Variants in PCDH18 observed in about 807,000 individuals in gnomAD.
PCDH18 encodes the protein protocadherin 18, also known as protocadherin-18.
PCDH18 carries 38 observed loss-of-function variants against 71.5 expected under a neutral mutation model. The ratio of observed to expected loss-of-function variants is 0.53; its 90% CI spans 0.41 to 0.70. The LOEUF is 0.70. Ranked by LOEUF, PCDH18 falls within the 30% of genes least tolerant of loss-of-function variation. PCDH18 has a pLI of 0.00. For missense variants in PCDH18, 1,334 were observed against 1,384.6 expected (o/e 0.96, Z 0.58); for synonymous variants, 565 against 505.4 (o/e 1.12, Z -1.58).
At chr4:137,528,136 C>T (rs1731532329) in intron 3 of PCDH18, among the ~76,000 whole-genome samples, 1 of 152,054 alleles carries the variant, frequency 6.6e-6, no homozygotes, top group African/African-American at 2.4e-5. Context: ...AATAATTTTG[C>T]AAAGAGTTAC....
At chr4:137,529,075 T>A in intron 1 of PCDH18, 1 of 457,098 alleles carries the variant, frequency 2.2e-6, no homozygotes. Context: ...CCCTTTCAAA[T>A]AACTGATTTA....
At chr4:137,528,425 A>T in intron 3 of PCDH18, 53 bp downstream of exon 3, 1 of 1,434,312 alleles carries the variant, frequency 7.0e-7, no homozygotes, top group Non-Finnish European at 9.6e-7. Context: ...TTTTCATTTT[A>T]CTGGTGTCAC....
chr4:137,528,436 G>A (rs202026681), intron 3 of PCDH18, 42 bp downstream of exon 3: 32 of 1,562,668 alleles, frequency 2.0e-5, no homozygotes, highest in East Asian at 1.1e-4. Context: ...CTGGTGTCAC[G>A]GTAGACCTGA....
intron 3 of PCDH18, among the ~76,000 whole-genome samples, chr4:137,521,903 T>A (rs1316179697): frequency 1.3e-5 from 2 of 152,226 alleles, no homozygotes; most frequent in Non-Finnish European, 2.9e-5. Flanking sequence ...TGTTATCTTC[T>A]GGTGTGCTTT....
Position 137,521,637 on chromosome 4 carries a change from GC to G in PCDH18, c.2799del (p.Met933IlefsTer76). ...TCAGAAGACGGTGAGGGCAGTGGTGGCATCCAGCACTGGTCAGAGTGTCCCA... is the reference window on the plus strand; with the variant it reads ...TCAGAAGACGGTGAGGGCAGTGGTGGATCCAGCACTGGTCAGAGTGTCCCA... ...RVLGHSDQCW[M>X]PPLPSPSSDY... is the part of the protein sequence containing the mutation. On this transcript the variant is annotated frameshift_variant, in exon 4 of 4. Transcript: ENST00000344876. LOFTEE classifies it high-confidence loss of function. 1 of 1,612,562 alleles carries G rather than the reference GC, an allele frequency of 6.2e-7. No homozygotes were observed.
Position 137,531,897 on chromosome 4 carries a change from A to G in PCDH18, c.192T>C (p.Val64=). 2 of 1,614,056 alleles carry G rather than the reference A, an allele frequency of 1.2e-6. No individual in the cohort carries two copies. The highest frequency in any genetic ancestry group is 1.7e-6 in the Non-Finnish European group (2 of 1,179,990). The change falls in exon 1 of 4, where the codon GTT becomes GTC. Residue 64 remains valine, a synonymous_variant. Coordinates refer to ENST00000344876, the MANE Select transcript of PCDH18 (RefSeq NM_019035.5). ...TTCCCCTCTGCATGGCTCGAAATCG[A>G]ACAGTAGAAGGATTAGGAAGCTTCA... The part of the protein sequence containing the change: ...VLLKLPNPST[V]RFRAMQRGNS...
In PCDH18 at chr4:137,521,527, G is replaced by A. The variant is rs1463998436; in HGVS notation, c.2910C>T (p.Asp970=). 10 of 1,614,116 alleles carry A rather than the reference G, an allele frequency of 6.2e-6. No individual in the cohort carries two copies. Among genetic ancestry groups the A allele is most frequent in the Non-Finnish European group, 8.5e-6 (10 of 1,180,034 alleles). The part of the protein sequence containing the change: ...QQHPHQSLED[D]AQPADSGEKK... The stretch of plus-strand genomic sequence containing the variant: ...TTTCACCGGAATCTGCAGGCTGAGC[G>A]TCATCCTCAAGACTCTGATGTGGAT... The change falls in exon 4 of 4, where the codon GAC becomes GAT. Residue 970 remains aspartate (D), a synonymous_variant. Transcript: ENST00000344876.
rs1368442478 is a variant in PCDH18 at position 137,530,597 on chromosome 4, C to T, written c.1492G>A (p.Gly498Arg). The change falls in exon 1 of 4, where the codon GGG (glycine) becomes AGG (arginine). Residue 498 changes from glycine to arginine, a missense_variant. Physicochemically the swap from Gly to Arg is moderately radical, Grantham distance 125. This residue lies in a region of PCDH18 where 1,011 missense variants were observed against 1,048.0 expected (regional missense o/e 0.96). Transcript: ENST00000344876. The stretch of plus-strand genomic sequence containing the variant: ...TCCAAGATGGTGTATGTCACTTGCC[C>T]ATTTTCTCCAAGATCAGGATCTGTG... ...TATDPDLGEN[G>R]QVTYTILESF... 6.2e-7 allele frequency: 1 copy of T among 1,614,090 alleles called. No homozygotes were observed. The highest frequency in any genetic ancestry group is 8.5e-7 in the Non-Finnish European group (1 of 1,180,006).
In PCDH18 at chr4:137,530,993, T is replaced by A. The variant is rs1475490174; in HGVS notation, c.1096A>T (p.Ile366Leu). The change falls in exon 1 of 4, where the codon ATA becomes TTA. Residue 366 changes from isoleucine (I) to leucine (L), a missense_variant. This residue lies in a region of PCDH18 where 1,011 missense variants were observed against 1,048.0 expected (regional missense o/e 0.96). Coordinates refer to ENST00000344876, the MANE Select transcript of PCDH18 (RefSeq NM_019035.5). ...GGATCCCCTTCAAAAATATAAGATA[T>A]TTCTTCTTTTCCAGGGGACATGAGG... ...INLMSPGKEE[I>L]SYIFEGDPID... 6.2e-7 allele frequency: 1 copy of A among 1,612,462 alleles called. No homozygotes were observed. The highest frequency in any genetic ancestry group is 2.2e-5 in the East Asian group (1 of 44,834).
Position 137,531,846 on chromosome 4 carries a change from C to T in PCDH18, c.243G>A (p.Glu81=). Reference sequence around the variant, plus strand: ...CCCCTATGCTGATTTCCCCATTATCCTCGTTTACTACAAGTAGAGGAGAAT... The same window carrying T: ...CCCCTATGCTGATTTCCCCATTATCTTCGTTTACTACAAGTAGAGGAGAAT... ...RGNSPLLVVN[E]DNGEISIGAT... Residue 81 remains glutamate, a synonymous_variant, in exon 1 of 4, where the codon GAG becomes GAA. Coordinates refer to ENST00000344876, the MANE Select transcript of PCDH18 (RefSeq NM_019035.5). 1 of 1,614,098 alleles carries T rather than the reference C, an allele frequency of 6.2e-7. No homozygotes were observed. Among genetic ancestry groups the T allele is most frequent in the East Asian group, 2.2e-5 (1 of 44,874 alleles).
At position 137,519,149 on chromosome 4, in the gene PCDH18, T is replaced by A. The variant is rs1031269848; in HGVS notation, c.*1880A>T. Reference sequence around the variant, plus strand: ...ATCTACTGAAAAATATACTGAAATTTCACTTGTAATTGCAATCTCTCCTAT... The same window carrying A: ...ATCTACTGAAAAATATACTGAAATTACACTTGTAATTGCAATCTCTCCTAT... On this transcript the variant is annotated 3_prime_UTR_variant, in exon 4 of 4. Coordinates refer to ENST00000344876, the MANE Select transcript of PCDH18 (RefSeq NM_019035.5). 1.3e-5 allele frequency: 2 copies of A among 152,188 alleles called. No individual in the cohort carries two copies. The highest frequency in any genetic ancestry group is 4.8e-5 in the African/African-American group (2 of 41,454). 9.4% of individuals were successfully genotyped at this position (152,188 alleles called of 1,614,324 possible). A position where few individuals can be genotyped will look rare whatever the true frequency, so the allele number is the denominator to read the frequency against.
chr4:137,522,453 A>G (rs1731328855), intron 3 of PCDH18, among the ~76,000 whole-genome samples: 1 of 152,200 alleles, frequency 6.6e-6, no homozygotes, highest in Non-Finnish European at 1.5e-5. Flanking sequence ...AATAGATGAT[A>G]TGAGAAAAGC....
chr4:137,525,667 G>T (rs1308780010), intron 3 of PCDH18, among the ~76,000 whole-genome samples: 1 of 152,110 alleles, frequency 6.6e-6, no homozygotes, highest in African/African-American at 2.4e-5. Context: ...CGGACCATTG[G>T]TGACTTCCTG....
Position 137,532,120 on chromosome 4 carries a change from A to G in PCDH18, c.-32T>C. On this transcript the variant is annotated 5_prime_UTR_variant, in exon 1 of 4. Transcript: ENST00000344876. Reference sequence around the variant, plus strand: ...GTTTATGAGATTTCCCTCACAGAGCAAGTTAAAACAGCAAAGCAATTGCCT... The same window carrying G: ...GTTTATGAGATTTCCCTCACAGAGCGAGTTAAAACAGCAAAGCAATTGCCT... 6.5e-7 allele frequency: 1 copy of G among 1,548,484 alleles called. No homozygotes were observed. Among genetic ancestry groups the G allele is most frequent in the Non-Finnish European group, 8.9e-7 (1 of 1,122,268 alleles).
chr4:137,529,655 G>T lies in PCDH18; in HGVS notation c.2434C>A (p.His812Asn), dbSNP rs777065171. 19 of 1,613,370 alleles carry T rather than the reference G, an allele frequency of 1.2e-5. No individual in the cohort carries two copies. Among genetic ancestry groups the T allele is most frequent in the Middle Eastern group, 1.6e-4 (1 of 6,080 alleles). The change falls in exon 1 of 4, where the codon CAC (histidine) becomes AAC (asparagine). Residue 812 changes from histidine (H) to asparagine (N), a missense_variant. Around this residue, in one of 3 missense-constraint regions of PCDH18, gnomAD observed 1,011 missense variants for 1,048.0 expected, o/e 0.96. Coordinates refer to ENST00000344876, the MANE Select transcript of PCDH18 (RefSeq NM_019035.5). ...LNSLVTISSN[H>N]VPENFSLELT... ...TCTAATGAGAAATTCTCTGGCACGT[G>T]GTTTGATGAGATTGTCACCAAACTG...
chr4:137,521,841 G>A, intron 3 of PCDH18, 145 bp from the exon 4 acceptor site: 1 of 626,060 alleles, frequency 1.6e-6, no homozygotes, highest in South Asian at 2.2e-5. Flanking sequence ...CACAAAAGCT[G>A]GACTACAATT....
chr4:137,529,551 T>C (rs1731584332), intron 1 of PCDH18, 51 bp downstream of exon 1: 1 of 1,308,150 alleles, frequency 7.6e-7, no homozygotes, highest in African/African-American at 1.5e-5. Flanking sequence ...ACACAATTCC[T>C]GAACACTAAC....
chr4:137,530,223 T>A lies in PCDH18; in HGVS notation c.1866A>T (p.Ala622=). The change falls in exon 1 of 4, where the codon GCA becomes GCT. Residue 622 remains alanine (A), a synonymous_variant. Coordinates refer to ENST00000344876, the MANE Select transcript of PCDH18 (RefSeq NM_019035.5). The part of the protein sequence containing the change: ...VNAELSCAIV[A]GNEENIFIID... ...TTATGAAGATATTCTCCTCATTACC[T>A]GCTACTATGGCGCAGCTGAGTTCAG... 6.2e-7 allele frequency: 1 copy of A among 1,614,082 alleles called. No individual in the cohort carries two copies. The highest frequency in any genetic ancestry group is 1.1e-5 in the South Asian group (1 of 91,068).
At position 137,532,118 on chromosome 4, in the gene PCDH18, G is replaced by A. The variant is rs763017829; in HGVS notation, c.-30C>T. The A allele has an allele frequency of 1.4e-5, 22 of 1,565,370 alleles. No homozygotes were observed. Among genetic ancestry groups the A allele is most frequent in the Non-Finnish European group, 1.9e-5 (22 of 1,137,836 alleles). On this transcript the variant is annotated 5_prime_UTR_variant, in exon 1 of 4. Coordinates refer to ENST00000344876, the MANE Select transcript of PCDH18 (RefSeq NM_019035.5). Reference sequence around the variant, plus strand: ...CAGTTTATGAGATTTCCCTCACAGAGCAAGTTAAAACAGCAAAGCAATTGC... The same window carrying A: ...CAGTTTATGAGATTTCCCTCACAGAACAAGTTAAAACAGCAAAGCAATTGC...
Sources: allele counts gnomAD v4.1 joint callset (sites outside exome capture counted in the v4.1 genomes callset), GRCh38; gene constraint gnomAD v4.1.1; regional missense constraint gnomAD v4.1.1; transcripts MANE v1.5; gene names NCBI Gene and HGNC (gene_info 2026-07-23, HGNC 2026-07-21).